DLC1: variants seen among roughly 807,000 people sequenced by gnomAD.
DLC1 encodes the protein rho GTPase-activating protein 7.
A neutral mutation model predicts 140.3 loss-of-function variants in DLC1; 54 were observed. The ratio of observed to expected loss-of-function variants is 0.38; its 90% CI spans 0.31 to 0.48. The LOEUF (loss-of-function observed/expected upper bound fraction) is 0.48, where lower values mean the gene tolerates loss of function less well. Ranked by LOEUF, DLC1 falls within the 20% of genes least tolerant of loss-of-function variation. The pLI is 0.96. For missense variants in DLC1, 2,536 were observed against 1,907.0 expected, an observed-to-expected ratio of 1.33 and a Z score of -6.14; for synonymous variants, 986 against 728.1, an observed-to-expected ratio of 1.35 and a Z score of -5.70.
chr8:13,243,013 A>T (rs1360582292), intron 5 of DLC1, among the ~76,000 whole-genome samples: 1 of 151,834 alleles, frequency 6.6e-6, no homozygotes, highest in Non-Finnish European at 1.5e-5. Context: ...GTGAGTTCTC[A>T]TGAGGTCTGG....
chr8:13,184,410 T>C (rs1334028777), intron 5 of DLC1, among the ~76,000 whole-genome samples: 2 of 152,236 alleles, frequency 1.3e-5, no homozygotes, highest in Non-Finnish European at 2.9e-5. Context: ...ATTTTAGATC[T>C]TTTCTGCTTT....
At chr8:13,542,575 C>T (rs1029855315) in intron 1 of DLC1, among the ~76,000 whole-genome samples, 2 of 151,940 alleles carry the variant, frequency 1.3e-5, no homozygotes, top group Non-Finnish European at 2.9e-5. Context: ...GGATTTTGAT[C>T]GAGATTGATC....
At chr8:13,504,614 T>C (rs2117222543) in intron 1 of DLC1, among the ~76,000 whole-genome samples, 1 of 152,268 alleles carries the variant, frequency 6.6e-6, no homozygotes, top group East Asian at 1.9e-4. Flanking sequence ...TGGTTCTAAA[T>C]GTAATCGGAG....
At chr8:13,386,086 G>A (rs75751951) in intron 4 of DLC1, among the ~76,000 whole-genome samples, 3,486 of 152,154 alleles carry the variant, frequency 0.023, 73 homozygotes, top group South Asian at 0.085. Context: ...TCTCTTGGAC[G>A]AAAATATGAG....
At chr8:13,143,769 T>C (rs74805110) in intron 5 of DLC1, among the ~76,000 whole-genome samples, 88 of 149,582 alleles carry the variant, frequency 5.9e-4, no homozygotes, top group African/African-American at 2.0e-3. Flanking sequence ...TGTAAGAAGT[T>C]TGGTTGCCCT....
intron 5 of DLC1, among the ~76,000 whole-genome samples, chr8:13,135,926 A>G (rs561294026): frequency 6.6e-6 from 1 of 152,348 alleles, no homozygotes; most frequent in African/African-American, 2.4e-5. Context: ...TAATACTAAT[A>G]ATAACTCCAA....
intron 4 of DLC1, among the ~76,000 whole-genome samples, chr8:13,345,569 T>TTTTC (rs1834296016): frequency 8.3e-6 from 1 of 120,826 alleles, no homozygotes; most frequent in Non-Finnish European, 1.9e-5. Flanking sequence ...TTTTTTTTTT[T>TTTTC]TGGAGATGGA....
chr8:13,541,723 G>C (rs772828097), intron 1 of DLC1, among the ~76,000 whole-genome samples: 3 of 151,990 alleles, frequency 2.0e-5, no homozygotes, highest in African/African-American at 4.8e-5. Flanking sequence ...CTAATTTTTT[G>C]TATTTTTAGT....
At chr8:13,416,149 T>C (rs1336134187) in intron 2 of DLC1, among the ~76,000 whole-genome samples, 1 of 152,196 alleles carries the variant, frequency 6.6e-6, no homozygotes, top group African/African-American at 2.4e-5. Context: ...GGTCCCATGT[T>C]ATTCTTCTCT....
At chr8:13,275,449 C>G (rs1440125018) in intron 5 of DLC1, among the ~76,000 whole-genome samples, 1 of 152,194 alleles carries the variant, frequency 6.6e-6, no homozygotes, top group Non-Finnish European at 1.5e-5. Context: ...TTTGACCCAT[C>G]CATGTAGACG....
intron 5 of DLC1, among the ~76,000 whole-genome samples, chr8:13,153,129 C>A (rs4427174): frequency 1.3e-5 from 2 of 151,572 alleles, no homozygotes; most frequent in African/African-American, 4.8e-5. Flanking sequence ...CGCGGACCCG[C>A]GCAGTGAGTG....
intron 2 of DLC1, among the ~76,000 whole-genome samples, chr8:13,407,185 C>T (rs1837606842): frequency 6.6e-6 from 1 of 152,174 alleles, no homozygotes; most frequent in Admixed American, 6.5e-5. Flanking sequence ...AAAGAAGTTC[C>T]TAATTTACTT....
chr8:13,241,576 T>C (rs11994074), intron 5 of DLC1, among the ~76,000 whole-genome samples: 30,345 of 152,088 alleles, frequency 0.2, 3,493 homozygotes, highest in African/African-American at 0.32. Flanking sequence ...GCGGAGGAAA[T>C]GTATGAAAAG....
At chr8:13,549,326 A>G (rs978520388) in intron 1 of DLC1, among the ~76,000 whole-genome samples, 2 of 152,096 alleles carry the variant, frequency 1.3e-5, no homozygotes, top group Non-Finnish European at 2.9e-5. Context: ...TAAAAAAAGT[A>G]TTTTCTTTAG....
At chr8:13,168,565 GA>G (rs1313168123) in intron 5 of DLC1, among the ~76,000 whole-genome samples, 1 of 152,214 alleles carries the variant, frequency 6.6e-6, no homozygotes, top group Non-Finnish European at 1.5e-5. Context: ...TGCCAATCAG[GA>G]AAGGGAGTGG....
At position 13,100,251 on chromosome 8, in the gene DLC1, C is replaced by T. The variant is rs746121142; in HGVS notation, c.2086G>A (p.Gly696Arg). 6.8e-6 allele frequency: 11 copies of T among 1,614,110 alleles called. No homozygotes were observed. Among genetic ancestry groups the T allele is most frequent in the African/African-American group, 2.7e-5 (2 of 75,036 alleles). Residue 696 changes from glycine (G) to arginine (R), a missense_variant, in exon 9 of 18, where the codon GGG becomes AGG. Coordinates refer to ENST00000276297, the MANE Select transcript of DLC1 (RefSeq NM_182643.3). The part of the protein sequence containing the change: ...APSKLGLIIS[G>R]PILQEGMDEE... Reference sequence around the variant, plus strand: ...TCCATCCCCTCTTGCAAGATGGGCCCGCTGATGATCAACCCCAGCTTTGAG... The same window carrying T: ...TCCATCCCCTCTTGCAAGATGGGCCTGCTGATGATCAACCCCAGCTTTGAG...
At chr8:13,397,597 G>A (rs1458901880) in intron 3 of DLC1, among the ~76,000 whole-genome samples, 1 of 152,034 alleles carries the variant, frequency 6.6e-6, no homozygotes, top group Non-Finnish European at 1.5e-5. Context: ...GGGAGGCCGA[G>A]GTGGGAAGAC....
At chr8:13,280,675 G>A (rs185835945) in intron 5 of DLC1, among the ~76,000 whole-genome samples, 1 of 152,278 alleles carries the variant, frequency 6.6e-6, no homozygotes, top group East Asian at 1.9e-4. Flanking sequence ...CCAAGCCTGT[G>A]TAACATAAAT....
chr8:13,193,158 G>A (rs1236912453), intron 5 of DLC1, among the ~76,000 whole-genome samples: 1 of 152,100 alleles, frequency 6.6e-6, no homozygotes, highest in Admixed American at 6.6e-5. Context: ...GACACCTATT[G>A]ACTGTCACTC....
Sources: allele counts gnomAD v4.1 joint callset (sites outside exome capture counted in the v4.1 genomes callset), GRCh38; gene constraint gnomAD v4.1.1; transcripts MANE v1.5; gene names NCBI Gene and HGNC (gene_info 2026-07-23, HGNC 2026-07-21).